Variants in MYO5A observed in about 807,000 individuals in gnomAD.
The protein encoded by MYO5A is myosin VA, also known as unconventional myosin-Va.
Under a neutral mutation model 249.7 loss-of-function variants are expected in MYO5A, and 98 were observed. The observed-to-expected ratio is 0.39, with a 90% CI of 0.33 to 0.46. The LOEUF (loss-of-function observed/expected upper bound fraction) is 0.46. Ranked by LOEUF, MYO5A falls within the 20% of genes least tolerant of loss-of-function variation. MYO5A has a pLI of 0.98. For synonymous variants in MYO5A, 778 were observed against 810.6 expected (o/e 0.96, Z 0.68); for missense variants, 1,696 against 2,308.8 (o/e 0.73, Z 5.44).
Position 52,406,159 on chromosome 15 carries a change from T to A in MYO5A, c.947-766A>T, listed in dbSNP as rs745981852. ...CTCCAGAAAATTAGCTATAATTACATGCAAATAGAAGCAGTGAAATTATTT... is the reference window on the plus strand; with the variant it reads ...CTCCAGAAAATTAGCTATAATTACAAGCAAATAGAAGCAGTGAAATTATTT... On this transcript the variant is annotated intron_variant, in intron 8 of 41. Transcript: ENST00000399233. Among the ~76,000 whole-genome samples the A allele has an allele frequency of 3.9e-4, 60 of 152,326 alleles. No homozygotes were observed. The Middle Eastern group carries it at 0.014, about 35-fold the overall frequency.
At chr15:52,498,301 A>T (rs1279710638) in intron 1 of MYO5A, among the ~76,000 whole-genome samples, 1 of 152,116 alleles carries the variant, frequency 6.6e-6, no homozygotes, top group Non-Finnish European at 1.5e-5. Flanking sequence ...CATCCTTCCA[A>T]TATTCATTCA....
chr15:52,410,710 T>TG (rs1428784182), intron 5 of MYO5A, among the ~76,000 whole-genome samples: 1 of 151,812 alleles, frequency 6.6e-6, no homozygotes, highest in Non-Finnish European at 1.5e-5. Context: ...CCTCAGCCTC[T>TG]GGGATTACAG....
intron 37 of MYO5A, among the ~76,000 whole-genome samples, chr15:52,322,205 T>A (rs2140933106): frequency 6.6e-6 from 1 of 152,374 alleles, no homozygotes; most frequent in Middle Eastern, 3.4e-3. Context: ...TACCACCTAC[T>A]TAATGACTGG....
intron 1 of MYO5A, among the ~76,000 whole-genome samples, chr15:52,472,872 T>C (rs550047261): frequency 3.9e-5 from 6 of 152,254 alleles, no homozygotes; most frequent in Admixed American, 3.3e-4. Flanking sequence ...TGTGTCTTTA[T>C]AGCAGCATGA....
intron 20 of MYO5A, among the ~76,000 whole-genome samples, chr15:52,374,421 C>A (rs933066545): frequency 4.6e-5 from 7 of 152,110 alleles, no homozygotes; most frequent in African/African-American, 1.7e-4. Context: ...GAATAGGGGG[C>A]CCCAAGGAAA....
chr15:52,459,377 G>A (rs1321736622), intron 1 of MYO5A, among the ~76,000 whole-genome samples: 1 of 151,718 alleles, frequency 6.6e-6, no homozygotes, highest in Non-Finnish European at 1.5e-5. Context: ...GACTCTTAAC[G>A]ACTATGCTGC....
At chr15:52,438,138 A>C (rs1204581772) in intron 1 of MYO5A, 21 of 777,996 alleles carry the variant, frequency 2.7e-5, no homozygotes, top group Non-Finnish European at 3.1e-5. Context: ...TAGATGCTGA[A>C]ACAGGGAAAT....
chr15:52,376,349 T>G lies in MYO5A; in HGVS notation c.2418A>C (p.Arg806=), dbSNP rs766215719. 2 of 1,613,764 alleles carry G rather than the reference T, an allele frequency of 1.2e-6. No individual in the cohort carries two copies. Among genetic ancestry groups the G allele is most frequent in the Non-Finnish European group, 1.7e-6 (2 of 1,179,848 alleles). ...MQRYVRGYQA[R]CYAKFLRRTK... is the part of the protein sequence containing the mutation. ...TACTCTGTCCCCAGGAGACCTACCA[T>G]CGGGCCTGGTAGCCCCGCACGTATC... Residue 806 remains arginine, a splice_region_variant and synonymous_variant, in exon 19 of 42, where the codon CGA becomes CGC. Coordinates refer to ENST00000399233, the MANE Select transcript of MYO5A (RefSeq NM_001382347.1).
intron 18 of MYO5A, among the ~76,000 whole-genome samples, chr15:52,377,574 CTTTT>C (rs71130155): frequency 1.4e-5 from 2 of 139,896 alleles, no homozygotes; most frequent in Non-Finnish European, 1.5e-5. Context: ...ACCTGGAATT[CTTTT>C]TTTTTTTTTT....
At chr15:52,420,160 C>T (rs1228375554) in intron 4 of MYO5A, among the ~76,000 whole-genome samples, 1 of 152,076 alleles carries the variant, frequency 6.6e-6, no homozygotes, top group Non-Finnish European at 1.5e-5. Flanking sequence ...AAAAAATTAG[C>T]TGGGCATCAC....
chr15:52,363,030 A>C (rs1208028718), intron 24 of MYO5A, among the ~76,000 whole-genome samples: 3 of 152,228 alleles, frequency 2.0e-5, no homozygotes, highest in South Asian at 2.1e-4. Context: ...TTTACCTAAG[A>C]ATTTCTTTTC....
At chr15:52,375,555 T>TA in intron 19 of MYO5A, 95 bp from the exon 20 acceptor site, 1 of 1,253,286 alleles carries the variant, frequency 8.0e-7, no homozygotes, top group Non-Finnish European at 1.1e-6. Context: ...GTTTTAGGCA[T>TA]AAATAGTACC....
intron 8 of MYO5A, among the ~76,000 whole-genome samples, chr15:52,406,101 A>G (rs922785196): frequency 2.6e-5 from 4 of 152,222 alleles, no homozygotes; most frequent in African/African-American, 9.6e-5. Context: ...AGCTTTTATC[A>G]GATCTGGCTT....
intron 34 of MYO5A, among the ~76,000 whole-genome samples, chr15:52,334,845 C>G (rs2039042144): frequency 6.6e-6 from 1 of 152,136 alleles, no homozygotes; most frequent in African/African-American, 2.4e-5. Flanking sequence ...TAAAAGATGT[C>G]GGCCAAATTG....
chr15:52,425,405 G>T (rs2075372591), intron 4 of MYO5A, among the ~76,000 whole-genome samples: 1 of 152,064 alleles, frequency 6.6e-6, no homozygotes, highest in Admixed American at 6.5e-5. Context: ...TGTGGCCCAG[G>T]TTGGAGTGCA....
At chr15:52,524,145 T>C (rs1693508) in intron 1 of MYO5A, among the ~76,000 whole-genome samples, 2 of 152,118 alleles carry the variant, frequency 1.3e-5, no homozygotes, top group Non-Finnish European at 2.9e-5. Flanking sequence ...TTAGATTGTC[T>C]TTGCACTGTT....
chr15:52,346,893 A>G (rs2039662662), intron 29 of MYO5A, among the ~76,000 whole-genome samples: 1 of 151,900 alleles, frequency 6.6e-6, no homozygotes, highest in Non-Finnish European at 1.5e-5. Context: ...GACTAGTTAC[A>G]ATGAGCAGAT....
intron 1 of MYO5A, among the ~76,000 whole-genome samples, chr15:52,485,259 T>TAAAAA (rs72085613): frequency 6.6e-4 from 68 of 102,700 alleles, no homozygotes; most frequent in East Asian, 1.3e-3. Flanking sequence ...ATTCACTATG[T>TAAAAA]AAAAAAAAAA....
intron 1 of MYO5A, among the ~76,000 whole-genome samples, chr15:52,474,841 T>C (rs1359652350): frequency 2.6e-5 from 4 of 152,182 alleles, no homozygotes; most frequent in Admixed American, 2.0e-4. Context: ...GATATTGGCC[T>C]AAAATTCTTT....
Sources: allele counts gnomAD v4.1 joint callset (sites outside exome capture counted in the v4.1 genomes callset), GRCh38; gene constraint gnomAD v4.1.1; transcripts MANE v1.5; gene names NCBI Gene and HGNC (gene_info 2026-07-23, HGNC 2026-07-21).